Variants in NCKAP5 observed in about 807,000 individuals in gnomAD.
NCKAP5 encodes the protein NCK associated protein 5.
Under a neutral mutation model 167.0 loss-of-function variants are expected in NCKAP5, and 92 were observed. The observed-to-expected ratio is 0.55, with a 90% CI of 0.47 to 0.66. The LOEUF (loss-of-function observed/expected upper bound fraction) is 0.66. Ranked by LOEUF, NCKAP5 falls within the 30% of genes least tolerant of loss-of-function variation. NCKAP5 has a pLI of 0.00. For synonymous variants in NCKAP5, 891 were observed against 877.4 expected (o/e 1.02, Z -0.27); for missense variants, 2,378 against 2,315.0 (o/e 1.03, Z -0.56).
At chr2:132,964,191 C>A (rs368507680) in intron 7 of NCKAP5, among the ~76,000 whole-genome samples, 22 of 152,296 alleles carry the variant, frequency 1.4e-4, no homozygotes, top group South Asian at 6.2e-4. Context: ...AGCTATACTG[C>A]AAACTGTGGA....
At chr2:132,964,881 C>A (rs1210332390) in intron 7 of NCKAP5, among the ~76,000 whole-genome samples, 4 of 150,788 alleles carry the variant, frequency 2.7e-5, no homozygotes, top group Non-Finnish European at 5.9e-5. Context: ...AAAAGAAGAA[C>A]ATAAGAAGAA....
At chr2:133,259,982 A>C (rs1388982534) in intron 4 of NCKAP5, among the ~76,000 whole-genome samples, 1 of 152,210 alleles carries the variant, frequency 6.6e-6, no homozygotes, top group Non-Finnish European at 1.5e-5. Context: ...AGAGACACAA[A>C]GGTTTCTTCC....
At position 132,949,603 on chromosome 2, in the gene NCKAP5, CCTT is replaced by C. The variant is rs552205358; in HGVS notation, c.579+14114_579+14116del. Among the ~76,000 whole-genome samples, 543 of 152,302 alleles carry C rather than the reference CCTT, an allele frequency of 3.6e-3. 3 individuals carry two copies. Among genetic ancestry groups the C allele is most frequent in the Non-Finnish European group, 5.6e-3 (380 of 68,018 alleles). Reference sequence around the variant, plus strand: ...CCCCCTCAGGGCATGGCATCCCCCTCCTTCTGAAACCTGTGAGAATAAGAACTA... The same window carrying C: ...CCCCCTCAGGGCATGGCATCCCCCTCCTGAAACCTGTGAGAATAAGAACTA... On this transcript the variant is annotated intron_variant, in intron 8 of 19. Transcript: ENST00000409261.
chr2:133,330,144 G>A (rs1223950839), intron 3 of NCKAP5, among the ~76,000 whole-genome samples: 1 of 128,706 alleles, frequency 7.8e-6, no homozygotes, highest in Non-Finnish European at 1.6e-5. Flanking sequence ...ATGGCTCAAT[G>A]CAGCCTCTAC....
intron 5 of NCKAP5, among the ~76,000 whole-genome samples, chr2:133,206,159 C>T (rs1294961044): frequency 6.6e-6 from 1 of 152,124 alleles, no homozygotes; most frequent in South Asian, 2.1e-4. Context: ...TCATTAAGTA[C>T]AATGTTTACT....
intron 5 of NCKAP5, among the ~76,000 whole-genome samples, chr2:133,160,433 C>CTTTTTTTTTTTT (rs869057265): frequency 9.9e-6 from 1 of 100,860 alleles, no homozygotes; most frequent in African/African-American, 4.6e-5. Context: ...CTTTTCCTTT[C>CTTTTTTTTTTTT]TTTTTCTTTT....
intron 7 of NCKAP5, among the ~76,000 whole-genome samples, chr2:132,967,938 G>C (rs994185531): frequency 1.3e-4 from 20 of 152,268 alleles, no homozygotes; most frequent in African/African-American, 4.8e-4. Flanking sequence ...TTACAGCAAA[G>C]GCCAAATGAT....
intron 16 of NCKAP5, among the ~76,000 whole-genome samples, chr2:132,764,752 C>A (rs1459017444): frequency 6.6e-6 from 1 of 152,222 alleles, no homozygotes; most frequent in African/African-American, 2.4e-5. Flanking sequence ...GCTCTTCCTG[C>A]CTACAATTAA....
chr2:133,121,261 T>C (rs2082241902), intron 6 of NCKAP5, among the ~76,000 whole-genome samples: 1 of 152,118 alleles, frequency 6.6e-6, no homozygotes, highest in South Asian at 2.1e-4. Context: ...CAGTAACCTG[T>C]AGGTTCAAAG....
chr2:132,680,873 A>G (rs551959237), intron 19 of NCKAP5, among the ~76,000 whole-genome samples: 8 of 152,228 alleles, frequency 5.3e-5, no homozygotes, highest in Non-Finnish European at 1.0e-4. Flanking sequence ...TGTTAGCGTC[A>G]TCATTTCCAA....
At chr2:133,635,451 C>A in the NCKAP5 span, among the ~76,000 whole-genome samples, 1 of 152,214 alleles carries the variant, frequency 6.6e-6, no homozygotes, top group African/African-American at 2.4e-5. Flanking sequence ...CACAGTCTTA[C>A]AGCCATCAGT....
intron 6 of NCKAP5, among the ~76,000 whole-genome samples, chr2:133,028,826 T>C (rs1370600): frequency 0.4 from 60,189 of 151,846 alleles, 13,235 homozygotes; most frequent in Non-Finnish European, 0.49. Flanking sequence ...CATAATCTTC[T>C]TGGTGCTGCT....
the NCKAP5 span, among the ~76,000 whole-genome samples, chr2:133,666,359 G>A: frequency 1.4e-4 from 21 of 151,586 alleles, no homozygotes; most frequent in Admixed American, 1.2e-3. Flanking sequence ...CACCATGCCC[G>A]GCTAATTTTT....
At chr2:132,973,971 C>T (rs947531679) in intron 7 of NCKAP5, among the ~76,000 whole-genome samples, 3 of 152,128 alleles carry the variant, frequency 2.0e-5, no homozygotes, top group African/African-American at 7.2e-5. Flanking sequence ...ACAATTCACT[C>T]ATCTATTTTT....
At chr2:132,748,612 T>G (rs912503067) in intron 16 of NCKAP5, among the ~76,000 whole-genome samples, 1 of 152,204 alleles carries the variant, frequency 6.6e-6, no homozygotes, top group Non-Finnish European at 1.5e-5. Flanking sequence ...CAGAGCTCTT[T>G]GCGCTGCTCT....
intron 3 of NCKAP5, among the ~76,000 whole-genome samples, chr2:133,380,610 C>T (rs531808238): frequency 6.6e-6 from 1 of 152,182 alleles, no homozygotes; most frequent in African/African-American, 2.4e-5. Flanking sequence ...ACATTCAGCT[C>T]TAATGTATCC....
intron 6 of NCKAP5, among the ~76,000 whole-genome samples, chr2:133,011,174 C>T (rs551732622): frequency 4.7e-4 from 72 of 152,260 alleles, no homozygotes; most frequent in South Asian, 8.3e-4. Flanking sequence ...AGCTGTGCTG[C>T]GGGATTTTTA....
At chr2:133,581,817 T>C in the NCKAP5 span, among the ~76,000 whole-genome samples, 2 of 152,378 alleles carry the variant, frequency 1.3e-5, no homozygotes, top group South Asian at 4.1e-4. Context: ...GTAAGTATTG[T>C]TAAATTTGAT....
At chr2:132,984,280 T>C (rs2077224028) in intron 7 of NCKAP5, among the ~76,000 whole-genome samples, 1 of 152,154 alleles carries the variant, frequency 6.6e-6, no homozygotes, top group South Asian at 2.1e-4. Flanking sequence ...CTGTTCTGGG[T>C]TGAGGCCCAG....
Sources: gnomAD v4.1 joint callset for allele counts (sites outside exome capture counted in the v4.1 genomes callset) on GRCh38, gnomAD v4.1.1 for gene constraint, MANE v1.5 for transcripts, NCBI Gene and HGNC (gene_info 2026-07-23, HGNC 2026-07-21) for gene names.